The following LINGO2 variants were observed in gnomAD, a reference collection of about 807,000 sequenced individuals.
The protein encoded by LINGO2 is leucine-rich repeat and immunoglobulin-like domain-containing nogo receptor-interacting protein 2.
A neutral mutation model predicts 30.6 loss-of-function variants in LINGO2; 14 were observed. The observed-to-expected ratio is 0.46, with a 90% confidence interval of 0.30 to 0.72. The LOEUF (loss-of-function observed/expected upper bound fraction) is 0.72. Ranked by LOEUF, LINGO2 falls within the 30% of genes least tolerant of loss-of-function variation. LINGO2 has a pLI of 0.07. For missense variants in LINGO2, 729 were observed against 751.7 expected, an observed-to-expected ratio of 0.97 and a Z score of 0.35; for synonymous variants, 317 against 288.5, an observed-to-expected ratio of 1.10 and a Z score of -1.00.
At chr9:28,398,174 T>C (rs1822129736) in intron 2 of LINGO2, among the ~76,000 whole-genome samples, 1 of 152,174 alleles carries the variant, frequency 6.6e-6, no homozygotes, top group Non-Finnish European at 1.5e-5. Flanking sequence ...ACCCATGTTA[T>C]GTGGAGGTCA....
chr9:28,052,004 A>G (rs560978482), intron 4 of LINGO2, among the ~76,000 whole-genome samples: 7 of 151,990 alleles, frequency 4.6e-5, no homozygotes, highest in Non-Finnish European at 8.8e-5. Context: ...TAGATCTCTC[A>G]TTATACAGTT....
At chr9:28,771,265 G>A in the LINGO2 span, among the ~76,000 whole-genome samples, 101 of 132,476 alleles carry the variant, frequency 7.6e-4, no homozygotes, top group African/African-American at 3.1e-3. Flanking sequence ...AATGAACAAA[G>A]AGCTTTTTTT....
intron 2 of LINGO2, among the ~76,000 whole-genome samples, chr9:28,386,147 T>G (rs1156341859): frequency 1.3e-5 from 2 of 152,174 alleles, no homozygotes; most frequent in African/African-American, 4.8e-5. Context: ...TTTCAGAAGG[T>G]GTAGTGTATC....
intron 2 of LINGO2, among the ~76,000 whole-genome samples, chr9:28,461,293 T>A (rs1446220901): frequency 1.3e-5 from 2 of 152,130 alleles, no homozygotes; most frequent in Non-Finnish European, 2.9e-5. Flanking sequence ...TAAAGTGCTA[T>A]ACAAGCAGTA....
the LINGO2 span, among the ~76,000 whole-genome samples, chr9:28,992,367 A>G: frequency 0.022 from 3,300 of 152,066 alleles, 95 homozygotes; most frequent in African/African-American, 0.075. Flanking sequence ...TTCATAAAGC[A>G]AGTCCTCAGT....
At chr9:29,209,267 G>A in the LINGO2 span, among the ~76,000 whole-genome samples, 3 of 152,114 alleles carry the variant, frequency 2.0e-5, no homozygotes, top group East Asian at 5.8e-4. Context: ...AAGTTGCAGC[G>A]AGACACAAGA....
chr9:28,844,349 G>A, the LINGO2 span, among the ~76,000 whole-genome samples: 1 of 151,778 alleles, frequency 6.6e-6, no homozygotes, highest in Non-Finnish European at 1.5e-5. Flanking sequence ...GTGACAGAAT[G>A]AGACTCTGTC....
At chr9:28,016,088 T>C (rs1046990793) in intron 4 of LINGO2, among the ~76,000 whole-genome samples, 1 of 152,026 alleles carries the variant, frequency 6.6e-6, no homozygotes, top group Non-Finnish European at 1.5e-5. Flanking sequence ...GAAGTGGCAT[T>C]TGATCCTGAT....
intron 1 of LINGO2, among the ~76,000 whole-genome samples, chr9:28,657,955 A>G (rs1218839242): frequency 6.6e-6 from 1 of 151,534 alleles, no homozygotes; most frequent in Admixed American, 6.6e-5. Context: ...TTTTATCTTC[A>G]TTACTCTTGA....
the LINGO2 span, among the ~76,000 whole-genome samples, chr9:29,157,927 A>C: frequency 6.6e-6 from 1 of 152,160 alleles, no homozygotes; most frequent in East Asian, 1.9e-4. Context: ...AACATACAGA[A>C]TGTGTATAAA....
intron 2 of LINGO2, among the ~76,000 whole-genome samples, chr9:28,470,007 C>T (rs1036472750): frequency 6.6e-6 from 1 of 151,964 alleles, no homozygotes; most frequent in Admixed American, 6.6e-5. Flanking sequence ...TAAAATAATT[C>T]TAAGTATACA....
chr9:28,319,255 C>T (rs1239640515), intron 3 of LINGO2, among the ~76,000 whole-genome samples: 2 of 152,030 alleles, frequency 1.3e-5, no homozygotes, highest in Non-Finnish European at 2.9e-5. Flanking sequence ...ACTTGTGGCC[C>T]CTCTCCTCCT....
At chr9:29,187,643 A>T in the LINGO2 span, among the ~76,000 whole-genome samples, 1 of 152,188 alleles carries the variant, frequency 6.6e-6, no homozygotes, top group East Asian at 1.9e-4. Context: ...CTTAAGTGGG[A>T]AATACATCAA....
At chr9:28,757,172 G>A in the LINGO2 span, among the ~76,000 whole-genome samples, 3 of 152,016 alleles carry the variant, frequency 2.0e-5, no homozygotes, top group African/African-American at 7.3e-5. Flanking sequence ...TCAAAGATAA[G>A]ATACACTTAA....
the LINGO2 span, among the ~76,000 whole-genome samples, chr9:28,963,835 G>A: frequency 6.6e-6 from 1 of 151,862 alleles, no homozygotes; most frequent in Non-Finnish European, 1.5e-5. Context: ...CATATAGTTA[G>A]AAGGAATAAG....
At chr9:27,991,809 A>C (rs1821412124) in intron 5 of LINGO2, among the ~76,000 whole-genome samples, 1 of 152,072 alleles carries the variant, frequency 6.6e-6, no homozygotes, top group Middle Eastern at 3.2e-3. Context: ...AGGTGTTTGC[A>C]TTGTTTTGTG....
At chr9:28,606,010 T>C (rs1019743558) in intron 1 of LINGO2, among the ~76,000 whole-genome samples, 5 of 151,994 alleles carry the variant, frequency 3.3e-5, no homozygotes, top group African/African-American at 1.2e-4. Context: ...TACACTATAG[T>C]GACATTAGAA....
At chr9:28,861,241 ATT>A in the LINGO2 span, among the ~76,000 whole-genome samples, 1 of 116,562 alleles carries the variant, frequency 8.6e-6, no homozygotes, top group African/African-American at 3.4e-5. Context: ...TATAATATAT[ATT>A]TTTTATACAA....
At chr9:28,514,235 T>G (rs1274877052) in intron 1 of LINGO2, among the ~76,000 whole-genome samples, 2 of 152,146 alleles carry the variant, frequency 1.3e-5, no homozygotes, top group Non-Finnish European at 2.9e-5. Flanking sequence ...ACATTGAAAT[T>G]AGGCCAATGA....
Sources: allele counts gnomAD v4.1 joint callset (sites outside exome capture counted in the v4.1 genomes callset), GRCh38; gene constraint gnomAD v4.1.1; transcripts MANE v1.5; gene names NCBI Gene and HGNC (gene_info 2026-07-23, HGNC 2026-07-21).